TNRC6B: variants seen among roughly 807,000 people sequenced by gnomAD.
The protein encoded by TNRC6B is trinucleotide repeat-containing gene 6B protein.
A neutral mutation model predicts 203.6 loss-of-function variants in TNRC6B; 52 were observed. That is an observed-to-expected ratio of 0.26 (90% CI 0.20 to 0.32). TNRC6B has a LOEUF of 0.32. TNRC6B is among the 10% of genes least tolerant of loss of function. TNRC6B has a pLI of 1.00. For synonymous variants in TNRC6B, 838 were observed against 845.7 expected, an observed-to-expected ratio of 0.99 and a Z score of 0.16; for missense variants, 1,923 against 2,286.2, an observed-to-expected ratio of 0.84 and a Z score of 3.24.
chr22:40,150,873 G>A (rs1267755551), intron 3 of TNRC6B, among the ~76,000 whole-genome samples: 1 of 152,040 alleles, frequency 6.6e-6, no homozygotes, highest in Non-Finnish European at 1.5e-5. Context: ...CTAATTAAAT[G>A]GGCAGGTCCC....
At chr22:40,191,698 C>T (rs796675192) in intron 1 of TNRC6B, among the ~76,000 whole-genome samples, 42 of 152,290 alleles carry the variant, frequency 2.8e-4, no homozygotes, top group African/African-American at 1.0e-3. Context: ...CCTCCTGCCT[C>T]AGCCTCCTGA....
At chr22:40,132,605 C>T (rs1274028342) in intron 3 of TNRC6B, among the ~76,000 whole-genome samples, 5 of 137,338 alleles carry the variant, frequency 3.6e-5, no homozygotes, top group Non-Finnish European at 7.9e-5. Flanking sequence ...AGATCATGCC[C>T]CTGTACTCCA....
At chr22:40,106,696 C>G in intron 1 of TNRC6B, 1 of 758,686 alleles carries the variant, frequency 1.3e-6, no homozygotes, top group Non-Finnish European at 2.4e-6. Context: ...TGTTGAGCTT[C>G]ACAAACGTTC....
At chr22:40,199,466 C>T (rs2069381873) in intron 1 of TNRC6B, among the ~76,000 whole-genome samples, 1 of 152,072 alleles carries the variant, frequency 6.6e-6, no homozygotes. Context: ...GGCACATGAC[C>T]TCAATCTAAT....
At chr22:40,096,910 G>A (rs1290344810) in intron 1 of TNRC6B, among the ~76,000 whole-genome samples, 1 of 152,178 alleles carries the variant, frequency 6.6e-6, no homozygotes, top group East Asian at 1.9e-4. Context: ...TAGTAGCAGT[G>A]TGCTCCATTA....
intron 1 of TNRC6B, among the ~76,000 whole-genome samples, chr22:40,187,316 T>C (rs1305105673): frequency 6.6e-6 from 1 of 152,234 alleles, no homozygotes; most frequent in Non-Finnish European, 1.5e-5. Context: ...AGTGGAATTT[T>C]TAGAATTTAG....
chr22:40,047,532 G>T (rs1453364878), intron 1 of TNRC6B, among the ~76,000 whole-genome samples: 1 of 152,080 alleles, frequency 6.6e-6, no homozygotes, highest in East Asian at 1.9e-4. Context: ...GAACCCGGGA[G>T]GCGGAGGTTG....
Position 40,323,296 on chromosome 22 carries a change from AACTT to A in TNRC6B, c.*56_*59del. On this transcript the variant is annotated 3_prime_UTR_variant, in exon 23 of 23. Coordinates refer to ENST00000454349, the MANE Select transcript of TNRC6B (RefSeq NM_001162501.2). Reference sequence around the variant, plus strand: ...CCTTTTTTGGAACAGCAGCAGCACTAACTTGACCTTTTCGTTTTTTTTTTCAACT... The same window carrying A: ...CCTTTTTTGGAACAGCAGCAGCACTAGACCTTTTCGTTTTTTTTTTCAACT... 1 of 1,523,430 alleles carries A rather than the reference AACTT, an allele frequency of 6.6e-7. No homozygotes were observed. Among genetic ancestry groups the A allele is most frequent in the African/African-American group, 1.4e-5 (1 of 70,914 alleles). The allele number at this position is 1,523,430 out of a possible 1,614,324, so 94.4% of individuals were successfully genotyped here.
intron 1 of TNRC6B, among the ~76,000 whole-genome samples, chr22:40,214,621 A>G (rs1434160981): frequency 6.6e-6 from 1 of 151,436 alleles, no homozygotes; most frequent in Non-Finnish European, 1.5e-5. Flanking sequence ...GTGCAGTGGC[A>G]TGATCATAGC....
chr22:40,131,618 A>AT (rs1713127271), intron 3 of TNRC6B, among the ~76,000 whole-genome samples: 1 of 152,194 alleles, frequency 6.6e-6, no homozygotes, highest in African/African-American at 2.4e-5. Flanking sequence ...GATACACAGA[A>AT]TTGACTCCTT....
At chr22:40,288,141 A>T (rs761376039) in intron 12 of TNRC6B, among the ~76,000 whole-genome samples, 1 of 152,272 alleles carries the variant, frequency 6.6e-6, no homozygotes, top group Non-Finnish European at 1.5e-5. Context: ...GAACTAGACA[A>T]GAAGTATGGG....
intron 1 of TNRC6B, among the ~76,000 whole-genome samples, chr22:40,063,993 G>A (rs566918646): frequency 2.0e-5 from 3 of 152,252 alleles, no homozygotes; most frequent in South Asian, 2.1e-4. Flanking sequence ...CTGAGCCACT[G>A]CACCCAGCCC....
chr22:40,271,676 A>G (rs1385106600), intron 6 of TNRC6B, among the ~76,000 whole-genome samples: 2 of 152,232 alleles, frequency 1.3e-5, no homozygotes, highest in African/African-American at 4.8e-5. Context: ...TTAGCAGTAT[A>G]TTCAGGATTT....
intron 15 of TNRC6B, among the ~76,000 whole-genome samples, chr22:40,307,279 C>A (rs115438525): frequency 3.3e-5 from 5 of 151,952 alleles, no homozygotes; most frequent in African/African-American, 1.2e-4. Context: ...AATTGAGGAC[C>A]CTTTATGGGT....
At chr22:40,156,169 G>A in exon 4 of TNRC6B, 1 of 1,575,402 alleles carries the variant, frequency 6.3e-7, no homozygotes, top group Admixed American at 1.9e-5. Context: ...ACCTCCTGGT[G>A]AAGAAAGCAA....
intron 1 of TNRC6B, among the ~76,000 whole-genome samples, chr22:40,212,937 A>ACCG (rs1339487734): frequency 6.6e-6 from 1 of 152,182 alleles, no homozygotes; most frequent in East Asian, 1.9e-4. Context: ...GGCGTGAGCC[A>ACCG]CCGCCGCGCC....
intron 7 of TNRC6B, 61 bp downstream of exon 7, chr22:40,273,661 T>G: frequency 6.8e-7 from 1 of 1,460,518 alleles, no homozygotes; most frequent in Non-Finnish European, 9.1e-7. Flanking sequence ...AACTGAGGTT[T>G]TGTTTTGTTT....
At position 40,335,668 on chromosome 22, in the gene TNRC6B, T is replaced by C. The variant is rs1569077462; in HGVS notation, c.*12427T>C. On this transcript the variant is annotated 3_prime_UTR_variant, in exon 23 of 23. Transcript: ENST00000454349. The stretch of plus-strand genomic sequence containing the variant: ...TAAACAGCTTATTTTTGTTTTTGTT[T>C]AGTTTTTTTATTTTATTTTATTTTG... The C allele has an allele frequency of 1.3e-5, 2 of 151,798 alleles. No individual in the cohort carries two copies. The highest frequency in any genetic ancestry group is 1.5e-5 in the Non-Finnish European group (1 of 67,868). The allele number at this position is 151,798 out of a possible 1,614,324, so 9.4% of individuals were successfully genotyped here.
intron 4 of TNRC6B, 67 bp from the exon 5 acceptor site, chr22:40,264,621 C>T: frequency 6.7e-7 from 1 of 1,494,776 alleles, no homozygotes; most frequent in Non-Finnish European, 8.9e-7. Flanking sequence ...AAGGAGAGCC[C>T]CTTTGAGGGA....
Sources: gnomAD v4.1 joint callset for allele counts (sites outside exome capture counted in the v4.1 genomes callset) on GRCh38, gnomAD v4.1.1 for gene constraint, MANE v1.5 for transcripts, NCBI Gene and HGNC (gene_info 2026-07-23, HGNC 2026-07-21) for gene names.